Variants in BATF observed in about 807,000 individuals in gnomAD.
BATF encodes the protein basic leucine zipper ATF-like transcription factor, also known as basic leucine zipper transcriptional factor ATF-like.
BATF carries 5 observed loss-of-function variants against 13.7 expected under a neutral mutation model. The observed-to-expected ratio is 0.36, with a 90% CI of 0.19 to 0.77. The LOEUF (loss-of-function observed/expected upper bound fraction) is 0.77, where lower values mean the gene tolerates loss of function less well. Ranked by LOEUF, BATF falls within the 30% of genes least tolerant of loss-of-function variation. BATF has a pLI of 0.51. For missense variants in BATF, 124 were observed against 163.0 expected, an observed-to-expected ratio of 0.76 and a Z score of 1.30; for synonymous variants, 72 against 67.5, an observed-to-expected ratio of 1.07 and a Z score of -0.33.
At chr14:75,528,461 A>G (rs141880043) in intron 2 of BATF, among the ~76,000 whole-genome samples, 1 of 152,326 alleles carries the variant, frequency 6.6e-6, no homozygotes, top group East Asian at 1.9e-4. Flanking sequence ...AAATTGACAG[A>G]GTAGGGAGAG....
intron 2 of BATF, among the ~76,000 whole-genome samples, chr14:75,545,954 G>A (rs917410065): frequency 6.6e-6 from 1 of 152,200 alleles, no homozygotes; most frequent in South Asian, 2.1e-4. Context: ...TGCCTCCCTG[G>A]TTCAAGTAAT....
At chr14:75,526,757 T>C (rs764341749) in intron 2 of BATF, among the ~76,000 whole-genome samples, 10 of 152,224 alleles carry the variant, frequency 6.6e-5, no homozygotes, top group Non-Finnish European at 1.0e-4. Context: ...ATGTTCTCCA[T>C]GATTTCACTG....
intron 2 of BATF, among the ~76,000 whole-genome samples, chr14:75,527,950 G>A (rs553109268): frequency 4.6e-5 from 7 of 152,292 alleles, no homozygotes; most frequent in Admixed American, 1.3e-4. Flanking sequence ...TGGCAGCAAC[G>A]TGTTCAATCT....
rs557945338 is a variant in BATF, at chr14:75,545,446, G to T, written c.169-1016G>T. 1.4e-4 allele frequency among the ~76,000 whole-genome samples: 21 copies of T among 147,394 alleles called. No homozygotes were observed. In the South Asian group the frequency reaches 4.4e-3, roughly 31 times the overall value. ...GACAGGGTTTCACCATGTTGGCCAG[G>T]CTGGTCTCGAACTCCTGACTTCAGG... is the stretch of plus-strand genomic sequence containing the variant. On this transcript the variant is annotated intron_variant, in intron 2 of 2. Coordinates refer to ENST00000286639, the MANE Select transcript of BATF (RefSeq NM_006399.5).
intron 2 of BATF, among the ~76,000 whole-genome samples, chr14:75,528,910 C>A (rs1286556313): frequency 6.6e-6 from 1 of 151,944 alleles, no homozygotes; most frequent in Non-Finnish European, 1.5e-5. Context: ...ATGACAACAG[C>A]AAATGGAAGG....
At chr14:75,541,529 G>A (rs1276906456) in intron 2 of BATF, among the ~76,000 whole-genome samples, 1 of 152,202 alleles carries the variant, frequency 6.6e-6, no homozygotes, top group African/African-American at 2.4e-5. Context: ...GAGGCAGATG[G>A]TCAGCTCTAT....
intron 1 of BATF, among the ~76,000 whole-genome samples, chr14:75,524,007 C>G (rs1887615221): frequency 6.6e-6 from 1 of 152,178 alleles, no homozygotes; most frequent in South Asian, 2.1e-4. Flanking sequence ...TGCCAATGAC[C>G]TCCTACCACA....
At chr14:75,537,697 ATAG>A (rs1324628259) in intron 2 of BATF, among the ~76,000 whole-genome samples, 1 of 152,184 alleles carries the variant, frequency 6.6e-6, no homozygotes, top group African/African-American at 2.4e-5. Flanking sequence ...TAAGAATATA[ATAG>A]TAGTGTGCTT....
chr14:75,530,061 CAA>C (rs56386431), intron 2 of BATF, among the ~76,000 whole-genome samples: 37 of 109,858 alleles, frequency 3.4e-4, no homozygotes, highest in African/African-American at 6.9e-4. Context: ...GAGACTCCGT[CAA>C]AAAAAAAAAA....
At chr14:75,530,683 T>A (rs1198718405) in intron 2 of BATF, among the ~76,000 whole-genome samples, 1 of 152,192 alleles carries the variant, frequency 6.6e-6, no homozygotes, top group African/African-American at 2.4e-5. Flanking sequence ...TTATTTATTT[T>A]TTATTTTTAG....
intron 2 of BATF, among the ~76,000 whole-genome samples, chr14:75,538,419 G>A (rs1045203551): frequency 5.9e-5 from 9 of 152,196 alleles, no homozygotes; most frequent in Non-Finnish European, 1.0e-4. Flanking sequence ...AAGGCTCTCC[G>A]GGTGCTGGCA....
chr14:75,531,115 C>T (rs983541762), intron 2 of BATF, among the ~76,000 whole-genome samples: 11 of 152,142 alleles, frequency 7.2e-5, no homozygotes, highest in South Asian at 2.1e-4. Flanking sequence ...TCTTCCATCA[C>T]GACATGGAAG....
At chr14:75,525,015 C>T in intron 1 of BATF, 69 bp from the exon 2 acceptor site, 1 of 1,338,354 alleles carries the variant, frequency 7.5e-7, no homozygotes, top group South Asian at 1.2e-5. Flanking sequence ...TACCACACAC[C>T]ACCAGAGCCT....
intron 2 of BATF, among the ~76,000 whole-genome samples, chr14:75,540,920 T>C (rs369930999): frequency 3.3e-5 from 5 of 152,066 alleles, no homozygotes; most frequent in Non-Finnish European, 5.9e-5. Flanking sequence ...ACCCCGTCTC[T>C]ACTAGAAATA....
intron 2 of BATF, among the ~76,000 whole-genome samples, chr14:75,545,968 T>C (rs6574242): frequency 0.044 from 6,768 of 152,116 alleles, 475 homozygotes; most frequent in African/African-American, 0.15. Flanking sequence ...AAGTAATGCT[T>C]CTGTTTCAGC....
intron 2 of BATF, among the ~76,000 whole-genome samples, chr14:75,528,733 A>G (rs1454734568): frequency 6.6e-6 from 1 of 152,142 alleles, no homozygotes; most frequent in African/African-American, 2.4e-5. Context: ...TCTAAAAGAT[A>G]TCAATAGCTA....
intron 2 of BATF, among the ~76,000 whole-genome samples, chr14:75,527,555 G>GT (rs2140035025): frequency 6.6e-6 from 1 of 152,294 alleles, no homozygotes; most frequent in South Asian, 2.1e-4. Flanking sequence ...ATTAATGAGG[G>GT]TGACACAGAT....
chr14:75,525,926 C>T (rs771394032), intron 2 of BATF, among the ~76,000 whole-genome samples: 1 of 152,178 alleles, frequency 6.6e-6, no homozygotes, highest in Non-Finnish European at 1.5e-5. Context: ...TACCAGATTC[C>T]TCTTTTCAGA....
At chr14:75,523,937 G>A (rs529752624) in intron 1 of BATF, among the ~76,000 whole-genome samples, 15 of 152,248 alleles carry the variant, frequency 9.9e-5, no homozygotes, top group African/African-American at 3.6e-4. Flanking sequence ...ATTACTCATG[G>A]CTTCCATGGT....
Sources: allele counts gnomAD v4.1 joint callset (sites outside exome capture counted in the v4.1 genomes callset), GRCh38; gene constraint gnomAD v4.1.1; transcripts MANE v1.5; gene names NCBI Gene and HGNC (gene_info 2026-07-23, HGNC 2026-07-21).